Variants in EHD1 observed in about 807,000 individuals in gnomAD.
EHD1 encodes the protein EH domain containing 1.
A neutral mutation model predicts 39.0 loss-of-function variants in EHD1; 19 were observed. That is an observed-to-expected ratio of 0.49 (90% CI 0.34 to 0.72). The LOEUF (loss-of-function observed/expected upper bound fraction) is 0.72. Ranked by LOEUF, EHD1 falls within the 30% of genes least tolerant of loss-of-function variation. The pLI is 0.01. For missense variants in EHD1, 542 were observed against 751.5 expected (o/e 0.72, Z 3.26); for synonymous variants, 323 against 331.2 (o/e 0.98, Z 0.27).
intron 4 of EHD1, chr11:64,855,087 G>A (rs776282651): frequency 3.8e-5 from 31 of 824,338 alleles, no homozygotes; most frequent in African/African-American, 2.1e-4. Flanking sequence ...GCACCAGAGC[G>A]CCTGGCATGG....
chr11:64,874,673 G>A (rs932044409), intron 1 of EHD1, among the ~76,000 whole-genome samples, 155 bp from the exon 2 acceptor site: 5 of 152,188 alleles, frequency 3.3e-5, no homozygotes, highest in East Asian at 1.9e-4. Context: ...TTAGTTTCCC[G>A]GGGTGGCCGG....
rs749939919 is a variant in EHD1, at chr11:64,854,890, A to G, written c.1081-33T>C. The G allele has an allele frequency of 6.9e-6, 11 of 1,585,328 alleles. No individual in the cohort carries two copies. In the East Asian group the frequency reaches 2.5e-4, roughly 36 times the overall value. On this transcript the variant is annotated intron_variant, in intron 4 of 4. Transcript: ENST00000320631. ...CGGGGGAGGAAGGACAAGGGCTGGG[A>G]AGGGAGGCCCCTCCCAGACTCCAGG...
chr11:64,875,360 G>A (rs886879688), intron 1 of EHD1, among the ~76,000 whole-genome samples: 1 of 152,216 alleles, frequency 6.6e-6, no homozygotes, highest in Non-Finnish European at 1.5e-5. Flanking sequence ...CGACCAGCCT[G>A]GCCAACATGG....
At chr11:64,857,662 C>T (rs1459394601) in intron 3 of EHD1, among the ~76,000 whole-genome samples, 2 of 152,184 alleles carry the variant, frequency 1.3e-5, no homozygotes, top group Non-Finnish European at 2.9e-5. Flanking sequence ...GTAGCACCCA[C>T]ATGCCCTCTG....
intron 2 of EHD1, among the ~76,000 whole-genome samples, chr11:64,867,865 G>A (rs1236630707): frequency 1.3e-5 from 2 of 152,268 alleles, no homozygotes; most frequent in African/African-American, 4.8e-5. Flanking sequence ...ACCAGGCTGA[G>A]CCAGGCATGG....
intron 2 of EHD1, among the ~76,000 whole-genome samples, chr11:64,869,044 T>C (rs751555432): frequency 6.6e-6 from 1 of 152,212 alleles, no homozygotes; most frequent in Non-Finnish European, 1.5e-5. Context: ...TTGCTCTTAT[T>C]TACTCGCAGG....
At chr11:64,872,395 A>G (rs919190569) in intron 2 of EHD1, among the ~76,000 whole-genome samples, 3 of 152,094 alleles carry the variant, frequency 2.0e-5, no homozygotes, top group African/African-American at 7.2e-5. Flanking sequence ...AGGGAGGAGG[A>G]GGTTGTAGTG....
intron 2 of EHD1, among the ~76,000 whole-genome samples, chr11:64,867,817 T>C (rs1260153379): frequency 6.6e-6 from 1 of 152,254 alleles, no homozygotes; most frequent in Non-Finnish European, 1.5e-5. Flanking sequence ...CGAAAAGTCC[T>C]GGGGCTGTGG....
At chr11:64,877,865 C>T (rs1943901933) in intron 1 of EHD1, 196 bp downstream of exon 1, 3 of 469,596 alleles carry the variant, frequency 6.4e-6, no homozygotes. Context: ...GGGGAGCCGA[C>T]AACGCCCACT....
At chr11:64,858,932 C>T (rs1943683239) in intron 3 of EHD1, among the ~76,000 whole-genome samples, 2 of 152,326 alleles carry the variant, frequency 1.3e-5, no homozygotes, top group Middle Eastern at 3.4e-3. Flanking sequence ...ACTGCCTCAG[C>T]GTGACCTTGG....
chr11:64,855,121 G>A, intron 4 of EHD1: 3 of 947,232 alleles, frequency 3.2e-6, no homozygotes, highest in East Asian at 2.6e-5. Context: ...CCACCACGCA[G>A]GGTGAGTCAC....
In EHD1 at chr11:64,878,614, T is replaced by G; in HGVS notation, c.-150A>C. 8 of 1,416,110 alleles carry G rather than the reference T, an allele frequency of 5.6e-6. No individual in the cohort carries two copies. Among genetic ancestry groups the G allele is most frequent in the Non-Finnish European group, 7.3e-6 (8 of 1,091,234 alleles). 87.7% of individuals were successfully genotyped at this position (1,416,110 alleles called of 1,614,324 possible). On this transcript the variant is annotated 5_prime_UTR_variant, in exon 1 of 5. Transcript: ENST00000320631. ...CAGCCCAGCCCGTCGAAGCGCCCTC[T>G]GCCGAATGCTGCGCACCCCTCGCGG...
intron 2 of EHD1, among the ~76,000 whole-genome samples, chr11:64,863,643 G>A (rs1056077322): frequency 3.9e-5 from 6 of 152,256 alleles, no homozygotes; most frequent in Admixed American, 1.3e-4. Context: ...CGCCTGCCCC[G>A]GCCCCAGGCC....
At chr11:64,857,653 T>TA (rs1943668000) in intron 3 of EHD1, among the ~76,000 whole-genome samples, 2 of 152,042 alleles carry the variant, frequency 1.3e-5, no homozygotes, top group African/African-American at 2.4e-5. Flanking sequence ...TCAGACCAGG[T>TA]AGCACCCACA....
At chr11:64,867,292 G>A (rs1358392950) in intron 2 of EHD1, among the ~76,000 whole-genome samples, 2 of 151,652 alleles carry the variant, frequency 1.3e-5, no homozygotes, top group Non-Finnish European at 2.9e-5. Flanking sequence ...GGTGCCACAC[G>A]CCTGTAATCC....
chr11:64,871,424 T>A (rs1943829612), intron 2 of EHD1, among the ~76,000 whole-genome samples: 1 of 152,314 alleles, frequency 6.6e-6, no homozygotes, highest in South Asian at 2.1e-4. Context: ...ACTCCTCCTG[T>A]GTACACCTAG....
rs1160700605 is a variant in EHD1 at position 64,868,463 on chromosome 11, G to A, written c.502+5958C>T. On this transcript the variant is annotated intron_variant, in intron 2 of 4. Transcript: ENST00000320631. This position sits in a 1 kb window ranked among gnomAD's most constrained non-coding sequence, Gnocchi z 4.2. ...AGGTGAATGGATGACAACGGATGGT[G>A]CATCCCTATGATGGGACAAGGACCC... Among the ~76,000 whole-genome samples, 1 of 152,212 alleles carries A rather than the reference G, an allele frequency of 6.6e-6. No individual in the cohort carries two copies. The highest frequency in any genetic ancestry group is 2.4e-5 in the African/African-American group (1 of 41,450).
chr11:64,860,825 G>T (rs1052255369), intron 2 of EHD1, among the ~76,000 whole-genome samples: 1 of 151,886 alleles, frequency 6.6e-6, no homozygotes, highest in Non-Finnish European at 1.5e-5. Context: ...TTCAAGACCA[G>T]CCTGGCCAAC....
intron 1 of EHD1, among the ~76,000 whole-genome samples, chr11:64,877,079 G>A (rs1943892755): frequency 1.3e-5 from 2 of 152,238 alleles, no homozygotes; most frequent in South Asian, 4.1e-4. Context: ...CGCTGGTGCA[G>A]AATTATGAAA....
Sources: allele counts gnomAD v4.1 joint callset (sites outside exome capture counted in the v4.1 genomes callset), GRCh38; gene constraint gnomAD v4.1.1; non-coding constraint Gnocchi (gnomAD v3.1); transcripts MANE v1.5; gene names NCBI Gene and HGNC (gene_info 2026-07-23, HGNC 2026-07-21).